GFUS: variants seen among roughly 807,000 people sequenced by gnomAD.
GFUS encodes the protein GDP-L-fucose synthase.
In GFUS, 42 loss-of-function variants were observed where a neutral mutation model predicts 41.5. The observed-to-expected ratio is 1.01, with a 90% CI of 0.79 to 1.31. GFUS has a LOEUF of 1.31. Among genes scored for constraint, GFUS ranks in the 50% most tolerant of loss-of-function variants. The pLI is 0.00. For missense variants in GFUS, 437 were observed against 428.7 expected (o/e 1.02, Z -0.17); for synonymous variants, 188 against 173.4 (o/e 1.08, Z -0.66).
intron 3 of GFUS, chr8:143,615,812 C>T: frequency 2.7e-6 from 1 of 369,800 alleles, no homozygotes; most frequent in Admixed American, 4.3e-5. Flanking sequence ...AACCAGCTCC[C>T]AGTCCCACGT....
chr8:143,617,551 G>GGGGGCGGGGCCGGGAGGCT (rs1281762299), upstream of GFUS: 2 of 152,274 alleles, frequency 1.3e-5, no homozygotes, highest in Non-Finnish European at 2.9e-5. Flanking sequence ...GAGCCAGGTG[G>GGGGGCGGGGCCGGGAGGCT]GGGGCGGGGC....
At chr8:143,616,876 G>A (rs776793082) in intron 1 of GFUS, 153 bp from the exon 2 acceptor site, 17 of 866,592 alleles carry the variant, frequency 2.0e-5, no homozygotes, top group Non-Finnish European at 2.8e-5. Flanking sequence ...GCACTCCCTC[G>A]TCGCAGCCCT....
At chr8:143,617,047 G>C (rs1037327365) in intron 1 of GFUS, 3 of 352,546 alleles carry the variant, frequency 8.5e-6, no homozygotes, top group African/African-American at 6.1e-5. Context: ...CTTGGGACGG[G>C]GGCTCCTGGC....
At chr8:143,616,923 G>C (rs1483608609) in intron 1 of GFUS, 200 bp from the exon 2 acceptor site, 1 of 633,274 alleles carries the variant, frequency 1.6e-6, no homozygotes, top group East Asian at 2.8e-5. Context: ...GCGCCGCAGG[G>C]GTCCTGAGCT....
In GFUS at chr8:143,614,177, A is replaced by T; in HGVS notation, c.650T>A (p.Phe217Tyr). Reference protein sequence around the residue: ...VWGTGNPRRQFIYSLDLAQLF... With the variant: ...VWGTGNPRRQYIYSLDLAQLF... Reference sequence around the variant, plus strand: ...TCCTTTACGCACCAGCGAGTATATGAACTGCCTCCGCGGATTCCCTGTACC... The same window carrying T: ...TCCTTTACGCACCAGCGAGTATATGTACTGCCTCCGCGGATTCCCTGTACC... Residue 217 changes from phenylalanine (F) to tyrosine (Y), a missense_variant, in exon 7 of 11, where the codon TTC becomes TAC. Transcript: ENST00000425753. 6.2e-7 allele frequency: 1 copy of T among 1,613,430 alleles called. No individual in the cohort carries two copies. The highest frequency in any genetic ancestry group is 1.1e-5 in the South Asian group (1 of 91,082).
At chr8:143,616,314 G>A (rs533147964) in intron 2 of GFUS, 94 bp from the exon 3 acceptor site, 16 of 1,319,788 alleles carry the variant, frequency 1.2e-5, no homozygotes, top group East Asian at 2.3e-5. Context: ...TATGGCAGGA[G>A]GGACAGTCAA....
Position 143,614,842 on chromosome 8 carries a change from C to G in GFUS, c.335G>C (p.Cys112Ser). 1 of 1,613,798 alleles carries G rather than the reference C, an allele frequency of 6.2e-7. No homozygotes were observed. The highest frequency in any genetic ancestry group is 1.7e-5 in the Admixed American group (1 of 60,012). Reference sequence around the variant, plus strand: ...GTCAGGGAAGATACAGGTGGACAGGCAGGACACCACCTTGCGGGCGCCCAC... The same window carrying G: ...GTCAGGGAAGATACAGGTGGACAGGGAGGACACCACCTTGCGGGCGCCCAC... ...FEVGARKVVS[C>S]LSTCIFPDKT... Residue 112 changes from cysteine (C) to serine (S), a missense_variant, in exon 4 of 11, where the codon TGC becomes TCC. Transcript: ENST00000425753.
At chr8:143,615,603 G>A (rs1284877841) in intron 3 of GFUS, among the ~76,000 whole-genome samples, 1 of 152,178 alleles carries the variant, frequency 6.6e-6, no homozygotes. Flanking sequence ...GACTGGTGGG[G>A]CCAACCCTCC....
intron 3 of GFUS, 122 bp downstream of exon 3, chr8:143,615,984 C>G (rs1829714752): frequency 1.2e-6 from 1 of 826,640 alleles, no homozygotes; most frequent in African/African-American, 1.7e-5. Context: ...CTGTGCCAAG[C>G]CCTGATCCTC....
At chr8:143,616,276 G>A (rs905952423) in intron 2 of GFUS, 56 bp from the exon 3 acceptor site, 14 of 1,541,046 alleles carry the variant, frequency 9.1e-6, no homozygotes, top group Admixed American at 1.7e-5. Flanking sequence ...CCCAGGGTTG[G>A]GTGCCAAGTG....
At chr8:143,615,004 C>T (rs1829689821) in intron 3 of GFUS, 89 bp from the exon 4 acceptor site, 9 of 1,523,030 alleles carry the variant, frequency 5.9e-6, no homozygotes, top group Non-Finnish European at 7.9e-6. Flanking sequence ...GGAGACACAC[C>T]CTGGCCCTTC....
chr8:143,616,807 T>G lies in GFUS; in HGVS notation c.-11-84A>C, dbSNP rs972381782. Reference sequence around the variant, plus strand: ...CTCTTCTGTGGCAACTGGCACAGAGTGAGGCCCTCAGAGTGGGGCATAGTC... The same window carrying G: ...CTCTTCTGTGGCAACTGGCACAGAGGGAGGCCCTCAGAGTGGGGCATAGTC... On this transcript the variant is annotated intron_variant, in intron 1 of 10. Coordinates refer to ENST00000425753, the MANE Select transcript of GFUS (RefSeq NM_003313.4). 16 of 1,540,454 alleles carry G rather than the reference T, an allele frequency of 1.0e-5. No homozygotes were observed. The African/African-American group carries it at 2.2e-4, about 21-fold the overall frequency.
At position 143,613,148 on chromosome 8, in the gene GFUS, G is replaced by A. The variant is rs117632005; in HGVS notation, c.910+48C>T. ...CCCTGGTAGCGAGCATGAGGGAGGG[G>A]CTGGGGCAGGCCTCCACCAAGTGGA... On this transcript the variant is annotated intron_variant, in intron 10 of 10. Coordinates refer to ENST00000425753, the MANE Select transcript of GFUS (RefSeq NM_003313.4). 4.0e-3 allele frequency: 6,304 copies of A among 1,582,704 alleles called. 227 individuals are homozygous for A. The Admixed American group carries it at 0.067, about 17-fold the overall frequency.
At chr8:143,614,746 C>A (rs373379417) in intron 4 of GFUS, 41 bp downstream of exon 4, 1 of 1,613,272 alleles carries the variant, frequency 6.2e-7, no homozygotes, top group Non-Finnish European at 8.5e-7. Context: ...CCCTGCCCAC[C>A]GGCTCCCCGG....
intron 3 of GFUS, chr8:143,615,756 C>T (rs2131416560): frequency 3.7e-6 from 1 of 267,880 alleles, no homozygotes; most frequent in South Asian, 9.3e-5. Flanking sequence ...CCAGCACAGT[C>T]CTGGGAGCCA....
Position 143,616,385 on chromosome 8 carries a change from G to A in GFUS, c.147-165C>T, listed in dbSNP as rs1432103091. ...GGTGCAGGCTTCCAGGAAGAGATGG[G>A]AGGGTGTTTGTTTTTCCAGGAACAC... is the stretch of plus-strand genomic sequence containing the variant. On this transcript the variant is annotated intron_variant, in intron 2 of 10. Transcript: ENST00000425753. 5.2e-6 allele frequency: 6 copies of A among 1,162,376 alleles called. No individual in the cohort carries two copies. The South Asian group carries it at 6.2e-5, about 12-fold the overall frequency. The allele number at this position is 1,162,376 out of a possible 1,614,324, so 72.0% of individuals were successfully genotyped here. A position where few individuals can be genotyped will look rare whatever the true frequency, so the allele number is the denominator to read the frequency against.
At position 143,614,677 on chromosome 8, in the gene GFUS, G is replaced by C. The variant is rs1298039879; in HGVS notation, c.411C>G (p.His137Gln). ...DETMIHNGPP[H>Q]NSNFGYSYAK... ...CATACGAGTACCCAAAATTGCTGTT[G>C]TGGGGAGGCCCATTGTGGATCTGCG... Residue 137 changes from histidine to glutamine, a missense_variant, in exon 5 of 11, where the codon CAC becomes CAG. Coordinates refer to ENST00000425753, the MANE Select transcript of GFUS (RefSeq NM_003313.4). 4 of 1,611,434 alleles carry C rather than the reference G, an allele frequency of 2.5e-6. No individual in the cohort carries two copies. In the South Asian group the frequency reaches 4.4e-5, roughly 18 times the overall value.
intron 1 of GFUS, chr8:143,617,153 G>GGTCCTGGAGA (rs1258060257): frequency 1.7e-5 from 3 of 178,078 alleles, no homozygotes; most frequent in African/African-American, 7.0e-5. Context: ...GAGGCTGGCT[G>GGTCCTGGAGA]GTCCTGGAGA....
Position 143,616,589 on chromosome 8 carries a change from A to G in GFUS, c.124T>C (p.Ser42Pro), listed in dbSNP as rs542893318. The change falls in exon 2 of 11, where the codon TCC becomes CCC. Residue 42 changes from serine (S) to proline (P), a missense_variant. Physicochemically the swap from Ser to Pro is moderately conservative, Grantham distance 74 (BLOSUM62 -1). Transcript: ENST00000425753. The part of the protein sequence containing the change: ...GLPGEDWVFV[S>P]SKDADLTDTA... ...CACGTGAGATCGGCGTCTTTAGAGG[A>G]GACAAACACCCAGTCCTCTCCAGGA... 6.2e-7 allele frequency: 1 copy of G among 1,613,786 alleles called. No homozygotes were observed. The highest frequency in any genetic ancestry group is 1.3e-5 in the African/African-American group (1 of 74,978).
Sources: gnomAD v4.1 joint callset for allele counts (sites outside exome capture counted in the v4.1 genomes callset) on GRCh38, gnomAD v4.1.1 for gene constraint, MANE v1.5 for transcripts, NCBI Gene and HGNC (gene_info 2026-07-23, HGNC 2026-07-21) for gene names.